SIPA1L2: variants seen among roughly 807,000 people sequenced by gnomAD.
SIPA1L2 encodes signal induced proliferation associated 1 like 2, also known as signal-induced proliferation-associated 1-like protein 2.
Under a neutral mutation model 163.9 loss-of-function variants are expected in SIPA1L2, and 56 were observed. That is an observed-to-expected ratio of 0.34 (90% CI 0.28 to 0.43). The LOEUF (loss-of-function observed/expected upper bound fraction) is 0.43, where lower values mean the gene tolerates loss of function less well. Ranked by LOEUF, SIPA1L2 falls within the 20% of genes least tolerant of loss-of-function variation. The pLI is 1.00. For synonymous variants in SIPA1L2, 877 were observed against 865.7 expected, an observed-to-expected ratio of 1.01 and a Z score of -0.23; for missense variants, 1,974 against 2,193.5, an observed-to-expected ratio of 0.90 and a Z score of 2.00.
intron 9 of SIPA1L2, chr1:232,462,181 A>C: frequency 1.3e-6 from 2 of 1,536,176 alleles, no homozygotes; most frequent in Middle Eastern, 3.3e-4. Context: ...TGCAGCCCTC[A>C]AAAGCACTCA....
chr1:232,564,235 CGT>C (rs59088753), intron 2 of SIPA1L2, among the ~76,000 whole-genome samples: 2,011 of 29,654 alleles, frequency 0.068, 175 homozygotes, highest in Admixed American at 0.084. Flanking sequence ...TTTTTTTTTT[CGT>C]GTGTGTGTGT....
intron 2 of SIPA1L2, among the ~76,000 whole-genome samples, chr1:232,529,657 C>T (rs1322201051): frequency 6.6e-6 from 1 of 152,220 alleles, no homozygotes; most frequent in Non-Finnish European, 1.5e-5. Context: ...CATATTCTAG[C>T]TGCTAAGATT....
rs141257315 is a variant in SIPA1L2 at position 232,468,930 on chromosome 1, G to A, written c.2243+2441C>T. Among the ~76,000 whole-genome samples, 222 of 152,322 alleles carry A rather than the reference G, an allele frequency of 1.5e-3. 2 individuals are homozygous for A. The highest frequency in any genetic ancestry group is 5.1e-3 in the African/African-American group (214 of 41,574). On this transcript the variant is annotated intron_variant, in intron 8 of 22. Coordinates refer to ENST00000674635, the MANE Select transcript of SIPA1L2 (RefSeq NM_020808.5). ...AATATTTTCAGGCTGAAAGTGAGATGTTTCGTGGGGCTCTGGGGGTGTTGC... is the reference window on the plus strand; with the variant it reads ...AATATTTTCAGGCTGAAAGTGAGATATTTCGTGGGGCTCTGGGGGTGTTGC...
chr1:232,628,478 C>A (rs1394379544), intron 1 of SIPA1L2, among the ~76,000 whole-genome samples: 1 of 152,140 alleles, frequency 6.6e-6, no homozygotes. Context: ...AACAGAATGA[C>A]AAAACTAACA....
chr1:232,525,054 T>TTATACAGAG (rs1427043743), intron 2 of SIPA1L2, among the ~76,000 whole-genome samples: 6 of 152,226 alleles, frequency 3.9e-5, no homozygotes, highest in African/African-American at 1.4e-4. Context: ...AAGAGGACTG[T>TTATACAGAG]TAGCTGCTGC....
chr1:232,479,943 C>T (rs544629847), intron 6 of SIPA1L2, among the ~76,000 whole-genome samples: 5 of 152,294 alleles, frequency 3.3e-5, no homozygotes, highest in South Asian at 2.1e-4. Context: ...CCTTCCCCAC[C>T]GCTTTCTACT....
intron 2 of SIPA1L2, among the ~76,000 whole-genome samples, chr1:232,532,392 C>T (rs1657019180): frequency 6.6e-6 from 1 of 152,128 alleles, no homozygotes; most frequent in Non-Finnish European, 1.5e-5. Context: ...GTGCAAAATG[C>T]TTATGAGCAC....
At chr1:232,521,189 TA>T (rs1036110656) in intron 2 of SIPA1L2, among the ~76,000 whole-genome samples, 3 of 152,216 alleles carry the variant, frequency 2.0e-5, no homozygotes, top group African/African-American at 7.2e-5. Context: ...TTTTATAACA[TA>T]GGGGTAACCT....
chr1:232,425,192 G>A (rs1363966023), intron 18 of SIPA1L2, among the ~76,000 whole-genome samples: 1 of 151,896 alleles, frequency 6.6e-6, no homozygotes, highest in African/African-American at 2.4e-5. Context: ...GAAACTGAAG[G>A]CTAGAAAACC....
chr1:232,543,518 C>A (rs1260759113), intron 2 of SIPA1L2, among the ~76,000 whole-genome samples: 2 of 152,048 alleles, frequency 1.3e-5, no homozygotes, highest in Non-Finnish European at 2.9e-5. Flanking sequence ...ACAGTAAATA[C>A]GTTTTTACAT....
intron 10 of SIPA1L2, among the ~76,000 whole-genome samples, chr1:232,459,318 G>C (rs1224650993): frequency 6.6e-6 from 1 of 152,106 alleles, no homozygotes; most frequent in Non-Finnish European, 1.5e-5. Flanking sequence ...TGCTCTGAAC[G>C]GTACAGACAC....
intron 2 of SIPA1L2, among the ~76,000 whole-genome samples, chr1:232,522,001 C>T (rs1049828451): frequency 6.6e-6 from 1 of 152,130 alleles, no homozygotes; most frequent in Non-Finnish European, 1.5e-5. Context: ...CAGGGAAAGG[C>T]ACCACCAACC....
At chr1:232,403,714 A>C in intron 20 of SIPA1L2, 143 bp from the exon 21 acceptor site, 1 of 1,144,914 alleles carries the variant, frequency 8.7e-7, no homozygotes, top group Non-Finnish European at 1.2e-6. Flanking sequence ...AAACAAAGAA[A>C]AACAAATTCA....
intron 1 of SIPA1L2, among the ~76,000 whole-genome samples, chr1:232,613,234 G>A (rs1246065972): frequency 6.6e-6 from 1 of 152,148 alleles, no homozygotes; most frequent in South Asian, 2.1e-4. Context: ...CTGACCTTCA[G>A]CTTATTCGTC....
At chr1:232,405,747 T>C (rs146990034) in intron 19 of SIPA1L2, among the ~76,000 whole-genome samples, 46 of 152,356 alleles carry the variant, frequency 3.0e-4, no homozygotes, top group African/African-American at 1.1e-3. Context: ...AGGAGTTTCA[T>C]TGACTCATCC....
intron 6 of SIPA1L2, among the ~76,000 whole-genome samples, chr1:232,481,358 ACACC>A (rs1364135004): frequency 3.0e-4 from 45 of 152,192 alleles, no homozygotes; most frequent in African/African-American, 1.1e-3. Context: ...ATGTTCAATG[ACACC>A]CATCACAACA....
At chr1:232,538,644 T>C (rs1044596259) in intron 2 of SIPA1L2, among the ~76,000 whole-genome samples, 1 of 152,006 alleles carries the variant, frequency 6.6e-6, no homozygotes, top group Non-Finnish European at 1.5e-5. Context: ...AATTCCTACT[T>C]CATATAATCT....
intron 15 of SIPA1L2, among the ~76,000 whole-genome samples, chr1:232,438,427 T>C (rs960597085): frequency 1.3e-5 from 2 of 152,228 alleles, no homozygotes; most frequent in East Asian, 1.9e-4. Flanking sequence ...GTCCTTTGCC[T>C]AGTCTTTGAA....
intron 12 of SIPA1L2, among the ~76,000 whole-genome samples, chr1:232,443,245 T>C (rs983860005): frequency 6.6e-6 from 1 of 152,196 alleles, no homozygotes; most frequent in African/African-American, 2.4e-5. Flanking sequence ...CCAGTACTTC[T>C]CAGACAGGAA....
Sources: gnomAD v4.1 joint callset for allele counts (sites outside exome capture counted in the v4.1 genomes callset) on GRCh38, gnomAD v4.1.1 for gene constraint, MANE v1.5 for transcripts, NCBI Gene and HGNC (gene_info 2026-07-23, HGNC 2026-07-21) for gene names.